Variants in SDK1 observed in about 807,000 individuals in gnomAD.
SDK1 encodes sidekick cell adhesion molecule 1.
In SDK1, 157 loss-of-function variants were observed where a neutral mutation model predicts 245.5. The observed-to-expected ratio is 0.64, with a 90% CI of 0.56 to 0.73. SDK1 has a LOEUF of 0.73. Ranked by LOEUF, SDK1 falls within the 30% of genes least tolerant of loss-of-function variation. SDK1 has a pLI of 0.00. For synonymous variants in SDK1, 1,647 were observed against 1,278.5 expected (o/e 1.29, Z -6.15); for missense variants, 3,583 against 3,002.3 (o/e 1.19, Z -4.52).
intron 1 of SDK1, among the ~76,000 whole-genome samples, chr7:3,368,173 A>G (rs1252217823): frequency 2.0e-5 from 3 of 152,220 alleles, no homozygotes; most frequent in Non-Finnish European, 4.4e-5. Context: ...TCTGAAACCA[A>G]TAACGTGTAA....
intron 22 of SDK1, among the ~76,000 whole-genome samples, chr7:4,082,944 A>G (rs1054096973): frequency 2.0e-5 from 3 of 152,110 alleles, no homozygotes; most frequent in African/African-American, 4.8e-5. Context: ...AATATCATCT[A>G]ATAGTCAGTT....
intron 1 of SDK1, among the ~76,000 whole-genome samples, chr7:3,561,999 A>G (rs531495213): frequency 6.6e-6 from 1 of 152,240 alleles, no homozygotes; most frequent in Non-Finnish European, 1.5e-5. Flanking sequence ...AATATAGAGG[A>G]AATAAGCATT....
intron 1 of SDK1, among the ~76,000 whole-genome samples, chr7:3,512,682 G>C (rs1222787232): frequency 6.6e-6 from 1 of 152,068 alleles, no homozygotes; most frequent in Non-Finnish European, 1.5e-5. Context: ...TATCTATTAA[G>C]GTCTTTGGCT....
At chr7:3,655,857 T>C (rs1228958910) in intron 4 of SDK1, among the ~76,000 whole-genome samples, 2 of 151,986 alleles carry the variant, frequency 1.3e-5, no homozygotes, top group Non-Finnish European at 2.9e-5. Context: ...GGAAGATCAG[T>C]TAGCTATTCT....
intron 1 of SDK1, among the ~76,000 whole-genome samples, chr7:3,418,017 T>C (rs1209883633): frequency 6.6e-6 from 1 of 152,028 alleles, no homozygotes; most frequent in Non-Finnish European, 1.5e-5. Flanking sequence ...TCTTGAGTTT[T>C]ACTAACTCAG....
At chr7:3,456,728 A>C (rs1172367618) in intron 1 of SDK1, among the ~76,000 whole-genome samples, 1 of 151,600 alleles carries the variant, frequency 6.6e-6, no homozygotes, top group South Asian at 2.1e-4. Context: ...GCTTTTTCTC[A>C]CTCAAGTTGT....
intron 1 of SDK1, among the ~76,000 whole-genome samples, chr7:3,478,626 G>C (rs1427838038): frequency 2.0e-5 from 3 of 151,932 alleles, no homozygotes; most frequent in South Asian, 4.1e-4. Context: ...GTTGCTGGAG[G>C]TTTATTGATT....
At chr7:4,261,523 C>A (rs893930540) in intron 44 of SDK1, among the ~76,000 whole-genome samples, 12 of 152,164 alleles carry the variant, frequency 7.9e-5, no homozygotes, top group African/African-American at 2.9e-4. Flanking sequence ...TCTGGGGCCA[C>A]AGCCGTCTGT....
At chr7:3,891,491 C>T (rs1339725041) in intron 5 of SDK1, among the ~76,000 whole-genome samples, 1 of 152,152 alleles carries the variant, frequency 6.6e-6, no homozygotes. Flanking sequence ...TTAATCCAGC[C>T]GAAAGTGTAG....
intron 1 of SDK1, among the ~76,000 whole-genome samples, chr7:3,585,761 G>A (rs1780666240): frequency 6.6e-6 from 1 of 152,182 alleles, no homozygotes; most frequent in African/African-American, 2.4e-5. Flanking sequence ...CATAAGAGAT[G>A]AAACGGGGGA....
At chr7:3,867,959 C>T (rs908598269) in intron 5 of SDK1, among the ~76,000 whole-genome samples, 2 of 151,906 alleles carry the variant, frequency 1.3e-5, no homozygotes, top group African/African-American at 4.8e-5. Flanking sequence ...CTATCTTTCT[C>T]GAGATGATCA....
At chr7:3,404,622 C>T (rs1266123722) in intron 1 of SDK1, among the ~76,000 whole-genome samples, 1 of 152,206 alleles carries the variant, frequency 6.6e-6, no homozygotes, top group Non-Finnish European at 1.5e-5. Context: ...GTTTGGAAAG[C>T]TTCTCTGGGC....
At chr7:3,327,267 G>C (rs1471255635) in intron 1 of SDK1, among the ~76,000 whole-genome samples, 1 of 152,136 alleles carries the variant, frequency 6.6e-6, no homozygotes, top group Middle Eastern at 3.2e-3. Flanking sequence ...ACAGAAATTT[G>C]AGGGAAGAGG....
At chr7:4,150,238 G>A (rs1407884202) in intron 30 of SDK1, among the ~76,000 whole-genome samples, 1 of 152,180 alleles carries the variant, frequency 6.6e-6, no homozygotes, top group Non-Finnish European at 1.5e-5. Flanking sequence ...CGCAGGCCCT[G>A]CCTGGGCAGG....
At chr7:3,986,143 A>G (rs1783812452) in intron 13 of SDK1, among the ~76,000 whole-genome samples, 1 of 152,190 alleles carries the variant, frequency 6.6e-6, no homozygotes, top group African/African-American at 2.4e-5. Flanking sequence ...CAGCCTTGGT[A>G]GAAACCATGT....
At chr7:3,434,773 G>A (rs1478027423) in intron 1 of SDK1, among the ~76,000 whole-genome samples, 1 of 152,080 alleles carries the variant, frequency 6.6e-6, no homozygotes, top group Non-Finnish European at 1.5e-5. Context: ...GTTCAGAGTT[G>A]GAACCATCTG....
chr7:3,900,948 C>CA (rs34730199), intron 5 of SDK1, among the ~76,000 whole-genome samples: 3,906 of 149,940 alleles, frequency 0.026, 56 homozygotes, highest in Non-Finnish European at 0.033. Context: ...CTAATTGTAG[C>CA]AAAAAAAAAG....
intron 1 of SDK1, among the ~76,000 whole-genome samples, chr7:3,353,500 A>G (rs1298130318): frequency 1.3e-5 from 2 of 152,182 alleles, no homozygotes; most frequent in Non-Finnish European, 1.5e-5. Flanking sequence ...AGAATAGCAT[A>G]TGTTCTCTGT....
chr7:3,694,007 C>G (rs1383022688), intron 4 of SDK1, among the ~76,000 whole-genome samples: 2 of 152,136 alleles, frequency 1.3e-5, no homozygotes, highest in Non-Finnish European at 2.9e-5. Flanking sequence ...TCCTCCAGAC[C>G]TTTGTGGCAT....
Sources: allele counts gnomAD v4.1 joint callset (sites outside exome capture counted in the v4.1 genomes callset), GRCh38; gene constraint gnomAD v4.1.1; transcripts MANE v1.5; gene names NCBI Gene and HGNC (gene_info 2026-07-23, HGNC 2026-07-21).